The following PCDH9 variants were observed in gnomAD, a reference collection of about 807,000 sequenced individuals.
The protein encoded by PCDH9 is protocadherin 9.
Under a neutral mutation model 70.6 loss-of-function variants are expected in PCDH9, and 24 were observed. The ratio of observed to expected loss-of-function variants is 0.34; its 90% CI spans 0.25 to 0.48. The LOEUF (loss-of-function observed/expected upper bound fraction) is 0.48, where lower values mean the gene tolerates loss of function less well. PCDH9 is among the 20% of genes least tolerant of loss of function. The pLI, the probability that PCDH9 is intolerant of heterozygous loss-of-function variation, is 0.99. For missense variants in PCDH9, 1,281 were observed against 1,503.6 expected, an observed-to-expected ratio of 0.85 and a Z score of 2.45; for synonymous variants, 562 against 558.5, an observed-to-expected ratio of 1.01 and a Z score of -0.09.
At chr13:66,565,941 G>A (rs762033406) in intron 4 of PCDH9, among the ~76,000 whole-genome samples, 20 of 152,280 alleles carry the variant, frequency 1.3e-4, no homozygotes, top group Middle Eastern at 3.4e-3. Context: ...AACAAGAGAA[G>A]CCTTACCCTA....
intron 4 of PCDH9, among the ~76,000 whole-genome samples, chr13:66,375,538 A>G (rs966550785): frequency 2.0e-5 from 3 of 152,112 alleles, no homozygotes; most frequent in African/African-American, 7.2e-5. Context: ...GACAGAAAGG[A>G]GTGTCTTCAA....
intron 4 of PCDH9, among the ~76,000 whole-genome samples, chr13:66,581,294 C>T (rs986509035): frequency 6.6e-6 from 1 of 152,136 alleles, no homozygotes; most frequent in African/African-American, 2.4e-5. Flanking sequence ...AACTCAGTAT[C>T]ATTCTATGGA....
chr13:66,466,491 A>G (rs895159236), intron 4 of PCDH9, among the ~76,000 whole-genome samples: 10 of 152,020 alleles, frequency 6.6e-5, no homozygotes, highest in African/African-American at 2.4e-4. Flanking sequence ...TTGCATCTCC[A>G]TGGCGTGCAG....
chr13:66,332,527 A>G (rs567069295), intron 4 of PCDH9, among the ~76,000 whole-genome samples: 1 of 152,234 alleles, frequency 6.6e-6, no homozygotes, highest in Non-Finnish European at 1.5e-5. Context: ...GCTGGTCTCT[A>G]GGGAAACAAA....
chr13:66,524,960 T>C (rs1388958257), intron 4 of PCDH9, among the ~76,000 whole-genome samples: 1 of 152,072 alleles, frequency 6.6e-6, no homozygotes, highest in Non-Finnish European at 1.5e-5. Flanking sequence ...TTAAAAATCT[T>C]GAGTGATGTG....
chr13:66,500,377 C>T (rs888006146), intron 4 of PCDH9, among the ~76,000 whole-genome samples: 6 of 152,072 alleles, frequency 3.9e-5, no homozygotes, highest in African/African-American at 1.2e-4. Context: ...AATGAAATAT[C>T]GTCATTTTTG....
intron 3 of PCDH9, among the ~76,000 whole-genome samples, chr13:66,886,843 T>C (rs2082012081): frequency 6.6e-6 from 1 of 152,106 alleles, no homozygotes; most frequent in Non-Finnish European, 1.5e-5. Context: ...AATTATAAAG[T>C]GACAACAAAC....
intron 2 of PCDH9, among the ~76,000 whole-genome samples, chr13:67,107,610 T>A (rs1353692649): frequency 1.3e-5 from 2 of 152,066 alleles, no homozygotes; most frequent in Non-Finnish European, 2.9e-5. Flanking sequence ...CCACTTTGGG[T>A]CTCCTGAGAG....
chr13:66,465,036 A>G lies in PCDH9; in HGVS notation c.3341-160008T>C, dbSNP rs1488409277. Among the ~76,000 whole-genome samples, 3 of 151,936 alleles carry G rather than the reference A, an allele frequency of 2.0e-5. No homozygotes were observed. The East Asian group carries it at 5.8e-4, about 29-fold the overall frequency. ...CAAGCCATATTTAGGGTGAAAGCAT[A>G]TTAGCCTTTCTTGAACATCTGGTGA... On this transcript the variant is annotated intron_variant, in intron 4 of 4. Coordinates refer to ENST00000377865, the MANE Select transcript of PCDH9 (RefSeq NM_203487.3).
At chr13:66,888,517 A>G (rs2082045110) in intron 3 of PCDH9, among the ~76,000 whole-genome samples, 3 of 151,494 alleles carry the variant, frequency 2.0e-5, no homozygotes, top group African/African-American at 7.2e-5. Context: ...AAATAAAAAA[A>G]TAAAAAATAA....
At chr13:66,653,506 C>A (rs961663098) in intron 3 of PCDH9, among the ~76,000 whole-genome samples, 3 of 151,898 alleles carry the variant, frequency 2.0e-5, no homozygotes, top group Admixed American at 6.6e-5. Flanking sequence ...AAAAGACAGG[C>A]CATAACAAAA....
intron 3 of PCDH9, among the ~76,000 whole-genome samples, chr13:66,711,594 C>T (rs997309717): frequency 1.3e-5 from 2 of 151,994 alleles, no homozygotes; most frequent in Non-Finnish European, 2.9e-5. Flanking sequence ...TCATGTTTTA[C>T]ACATAAAAGA....
In PCDH9 at chr13:66,626,435, G is replaced by A. The variant is rs1021416809; in HGVS notation, c.3340+4775C>T. ...ACCTTCCCTATGGCATGAGGTATCA[G>A]CAATTTCCCAAAGAGTCCAGGAGGA... On this transcript the variant is annotated intron_variant, in intron 4 of 4. Coordinates refer to ENST00000377865, the MANE Select transcript of PCDH9 (RefSeq NM_203487.3). Among the ~76,000 whole-genome samples, 3 of 152,142 alleles carry A rather than the reference G, an allele frequency of 2.0e-5. No individual in the cohort carries two copies. In the East Asian group the frequency reaches 5.8e-4, roughly 29 times the overall value.
chr13:66,691,815 C>CAT (rs1442067020), intron 3 of PCDH9, among the ~76,000 whole-genome samples: 2 of 152,136 alleles, frequency 1.3e-5, no homozygotes, highest in Non-Finnish European at 2.9e-5. Flanking sequence ...TTACAAATTT[C>CAT]ATATTATAGT....
intron 4 of PCDH9, among the ~76,000 whole-genome samples, chr13:66,445,293 T>C (rs888926514): frequency 6.8e-6 from 1 of 147,728 alleles, no homozygotes; most frequent in Non-Finnish European, 1.5e-5. Context: ...GAGTATCTTC[T>C]TTGTCCTCTT....
chr13:66,688,823 C>A (rs893303921), intron 3 of PCDH9, among the ~76,000 whole-genome samples: 1 of 152,068 alleles, frequency 6.6e-6, no homozygotes, highest in African/African-American at 2.4e-5. Flanking sequence ...CTTCCGAACA[C>A]CCCTGTTGTT....
chr13:67,174,963 C>CAA (rs376755966), intron 2 of PCDH9, among the ~76,000 whole-genome samples: 22 of 127,406 alleles, frequency 1.7e-4, no homozygotes, highest in African/African-American at 5.7e-4. Context: ...TCATCTCTAC[C>CAA]AAAAAAAAAA....
At chr13:66,505,448 C>T (rs146209308) in intron 4 of PCDH9, among the ~76,000 whole-genome samples, 1 of 151,284 alleles carries the variant, frequency 6.6e-6, no homozygotes, top group Non-Finnish European at 1.5e-5. Context: ...TTATGATTAA[C>T]TACCTCCCAC....
chr13:66,497,798 G>C (rs1959139262), intron 4 of PCDH9, among the ~76,000 whole-genome samples: 1 of 149,752 alleles, frequency 6.7e-6, no homozygotes, highest in Non-Finnish European at 1.5e-5. Flanking sequence ...GAGAAAAAGT[G>C]CTATACACAC....
Sources: gnomAD v4.1 joint callset for allele counts (sites outside exome capture counted in the v4.1 genomes callset) on GRCh38, gnomAD v4.1.1 for gene constraint, MANE v1.5 for transcripts, NCBI Gene and HGNC (gene_info 2026-07-23, HGNC 2026-07-21) for gene names.